SPHKAP: variants seen among roughly 807,000 people sequenced by gnomAD.
SPHKAP encodes SPHK1 interactor, AKAP domain containing, also known as A-kinase anchor protein SPHKAP.
Under a neutral mutation model 137.5 loss-of-function variants are expected in SPHKAP, and 67 were observed. The observed-to-expected ratio is 0.49, with a 90% CI of 0.40 to 0.60. The LOEUF (loss-of-function observed/expected upper bound fraction) is 0.60. Ranked by LOEUF, SPHKAP falls within the 20% of genes least tolerant of loss-of-function variation. The pLI is 0.00. For missense variants in SPHKAP, 2,097 were observed against 2,069.3 expected (o/e 1.01, Z -0.26); for synonymous variants, 813 against 785.3 (o/e 1.04, Z -0.59).
At chr2:228,140,716 T>G (rs1559196012) in intron 1 of SPHKAP, among the ~76,000 whole-genome samples, 1 of 152,230 alleles carries the variant, frequency 6.6e-6, no homozygotes, top group East Asian at 1.9e-4. Context: ...GGATTTCTCA[T>G]GAATGGCTTA....
intron 1 of SPHKAP, among the ~76,000 whole-genome samples, chr2:228,145,005 C>T (rs1247196662): frequency 6.6e-6 from 1 of 152,142 alleles, no homozygotes; most frequent in African/African-American, 2.4e-5. Flanking sequence ...GTGTTGCCTC[C>T]CCCATATCTC....
chr2:228,050,157 T>G (rs1696205768), intron 3 of SPHKAP, among the ~76,000 whole-genome samples: 1 of 152,052 alleles, frequency 6.6e-6, no homozygotes, highest in Non-Finnish European at 1.5e-5. Flanking sequence ...CTCACATCAG[T>G]CAGAATAGCT....
Position 228,018,845 on chromosome 2 carries a change from G to T in SPHKAP, c.2009C>A (p.Thr670Asn), listed in dbSNP as rs892831359. The part of the protein sequence containing the change: ...ENVVRNELAH[T>N]LSNVILRHSI... ...ATGCCTCAGGATAACATTGGACAGG[G>T]TATGTGCCAGTTCATTCCTGACGAC... The change falls in exon 7 of 12, where the codon ACC (threonine) becomes AAC (asparagine). Residue 670 changes from threonine (T) to asparagine (N), a missense_variant. Physicochemically the swap from Thr to Asn is moderately conservative, Grantham distance 65. Coordinates refer to ENST00000392056, the MANE Select transcript of SPHKAP (RefSeq NM_001142644.2). 1 of 1,614,174 alleles carries T rather than the reference G, an allele frequency of 6.2e-7. No individual in the cohort carries two copies. Among genetic ancestry groups the T allele is most frequent in the Non-Finnish European group, 8.5e-7 (1 of 1,180,036 alleles).
At chr2:228,121,809 T>C (rs1455506714) in intron 2 of SPHKAP, among the ~76,000 whole-genome samples, 1 of 152,146 alleles carries the variant, frequency 6.6e-6, no homozygotes, top group East Asian at 1.9e-4. Context: ...TGTAGAGACA[T>C]GTTCCAATTT....
At chr2:228,155,407 A>G (rs752917654) in intron 1 of SPHKAP, among the ~76,000 whole-genome samples, 2 of 152,198 alleles carry the variant, frequency 1.3e-5, no homozygotes, top group Non-Finnish European at 2.9e-5. Flanking sequence ...AATCATAAAA[A>G]CAGAAAAAGT....
At chr2:228,134,336 C>T (rs1699368884) in intron 1 of SPHKAP, among the ~76,000 whole-genome samples, 1 of 152,122 alleles carries the variant, frequency 6.6e-6, no homozygotes, top group Non-Finnish European at 1.5e-5. Context: ...GGCTGCCAAT[C>T]CTGACCTATT....
rs1385618541 is a variant in SPHKAP, at chr2:228,025,472, T to C, written c.363A>G (p.Gln121=). Residue 121 remains glutamine, a synonymous_variant, in exon 5 of 12, where the codon CAA becomes CAG. Transcript: ENST00000392056. ...CAACAATTTCATTTTCTTTTGGTTG[T>C]TGGACATTCATGGAACTGATAAGTT... ...LPKLISSMNV[Q]QPKENEIVVL... 1 of 1,613,988 alleles carries C rather than the reference T, an allele frequency of 6.2e-7. No individual in the cohort carries two copies. The highest frequency in any genetic ancestry group is 8.5e-7 in the Non-Finnish European group (1 of 1,179,932).
intron 3 of SPHKAP, among the ~76,000 whole-genome samples, chr2:228,034,816 G>A (rs1274928469): frequency 2.0e-5 from 3 of 152,152 alleles, no homozygotes; most frequent in Non-Finnish European, 2.9e-5. Flanking sequence ...AAAGGCTTTC[G>A]ACAAAATTCA....
chr2:227,995,480 C>T, intron 8 of SPHKAP, 29 bp downstream of exon 8: 4 of 1,613,424 alleles, frequency 2.5e-6, no homozygotes, highest in Non-Finnish European at 3.4e-6. Flanking sequence ...AGACCAATTT[C>T]CCTGGGAATT....
chr2:228,096,230 T>C (rs1257976951), intron 3 of SPHKAP, among the ~76,000 whole-genome samples: 1 of 152,038 alleles, frequency 6.6e-6, no homozygotes, highest in Admixed American at 6.5e-5. Context: ...CAGGAGGCAG[T>C]ATGGAGAGGG....
chr2:228,094,046 C>A (rs922986592), intron 3 of SPHKAP, among the ~76,000 whole-genome samples: 1 of 151,674 alleles, frequency 6.6e-6, no homozygotes, highest in African/African-American at 2.4e-5. Flanking sequence ...TTGAGAATAA[C>A]CAACAATCTA....
intron 1 of SPHKAP, among the ~76,000 whole-genome samples, chr2:228,141,182 G>T (rs1027596597): frequency 3.9e-5 from 6 of 152,156 alleles, no homozygotes; most frequent in African/African-American, 1.4e-4. Context: ...TAGTGTGTTG[G>T]CATTCAAGAA....
At chr2:227,989,140 T>C (rs964719653) in intron 11 of SPHKAP, among the ~76,000 whole-genome samples, 4 of 152,194 alleles carry the variant, frequency 2.6e-5, no homozygotes, top group African/African-American at 9.7e-5. Context: ...TTCAGGCTGC[T>C]AGATTTTGGC....
In SPHKAP at chr2:228,016,710, G is replaced by T. The variant is rs377022345; in HGVS notation, c.4144C>A (p.Pro1382Thr). Residue 1382 changes from proline to threonine, a missense_variant, in exon 7 of 12, where the codon CCC (proline) becomes ACC (threonine). Coordinates refer to ENST00000392056, the MANE Select transcript of SPHKAP (RefSeq NM_001142644.2). The stretch of plus-strand genomic sequence containing the variant: ...GTTTTGCTCAAAGATGACACTGGGG[G>T]CTGTTTACATTCGGTAACAGAGTCT... ...RKDSVTECKQPPVSSLSKTAS... is the reference protein window; with the variant it reads ...RKDSVTECKQTPVSSLSKTAS... 1.9e-6 allele frequency: 3 copies of T among 1,613,976 alleles called. No individual in the cohort carries two copies. The highest frequency in any genetic ancestry group is 2.2e-5 in the East Asian group (1 of 44,880).
Position 228,132,928 on chromosome 2 carries a change from C to T in SPHKAP, c.33-843G>A, listed in dbSNP as rs372845215. 6.3e-4 allele frequency among the ~76,000 whole-genome samples: 95 copies of T among 151,938 alleles called. 1 individual carries two copies. Among genetic ancestry groups the T allele is most frequent in the African/African-American group, 2.2e-3 (90 of 41,418 alleles). On this transcript the variant is annotated intron_variant, in intron 1 of 11. Transcript: ENST00000392056. ...CTGAGGTATGAGAATCGTTTGAACC[C>T]GGGAGGTGGAGGTTGCAGTGAGCTG...
At position 228,025,503 on chromosome 2, in the gene SPHKAP, A is replaced by C; in HGVS notation, c.332T>G (p.Leu111Arg). 6.2e-7 allele frequency: 1 copy of C among 1,613,872 alleles called. No individual in the cohort carries two copies. Among genetic ancestry groups the C allele is most frequent in the Non-Finnish European group, 8.5e-7 (1 of 1,179,916 alleles). The change falls in exon 5 of 12, where the codon CTT (leucine) becomes CGT (arginine). Residue 111 changes from leucine (L) to arginine (R), a missense_variant. Physicochemically the swap from Leu to Arg is moderately radical, Grantham distance 102. Transcript: ENST00000392056. ...ATTCATGGAACTGATAAGTTTTGGA[A>C]GATCTGGTGAAACGTTGACCAGTTT... ...QQKLVNVSPD[L>R]PKLISSMNVQ...
chr2:227,983,195 TTGAG>T (rs1693068620), intron 11 of SPHKAP, among the ~76,000 whole-genome samples: 1 of 152,202 alleles, frequency 6.6e-6, no homozygotes. Flanking sequence ...TCTTTCCAGT[TTGAG>T]TATGTTAATT....
chr2:228,052,090 A>C (rs543028329), intron 3 of SPHKAP, among the ~76,000 whole-genome samples: 23 of 152,314 alleles, frequency 1.5e-4, no homozygotes, highest in Admixed American at 5.9e-4. Flanking sequence ...AATATAATAA[A>C]AGGTGGTGTG....
intron 1 of SPHKAP, among the ~76,000 whole-genome samples, chr2:228,177,617 G>T (rs992802949): frequency 6.6e-6 from 1 of 152,098 alleles, no homozygotes; most frequent in African/African-American, 2.4e-5. Flanking sequence ...TAAAAACTTG[G>T]TGATGGAAGA....
Sources: allele counts gnomAD v4.1 joint callset (sites outside exome capture counted in the v4.1 genomes callset), GRCh38; gene constraint gnomAD v4.1.1; transcripts MANE v1.5; gene names NCBI Gene and HGNC (gene_info 2026-07-23, HGNC 2026-07-21).